The following RNF144B variants were observed in gnomAD, a reference collection of about 807,000 sequenced individuals.
The protein encoded by RNF144B is E3 ubiquitin-protein ligase RNF144B.
Under a neutral mutation model 40.2 loss-of-function variants are expected in RNF144B, and 25 were observed. The ratio of observed to expected loss-of-function variants is 0.62; its 90% CI spans 0.45 to 0.87. The LOEUF is 0.87. Ranked by LOEUF, RNF144B falls within the 40% of genes least tolerant of loss-of-function variation. The pLI, the probability that RNF144B is intolerant of heterozygous loss-of-function variation, is 0.00. For synonymous variants in RNF144B, 145 were observed against 136.3 expected (o/e 1.06, Z -0.44); for missense variants, 365 against 373.7 (o/e 0.98, Z 0.19).
intron 2 of RNF144B, among the ~76,000 whole-genome samples, chr6:18,407,829 A>G (rs1456070060): frequency 6.6e-6 from 1 of 152,188 alleles, no homozygotes; most frequent in Non-Finnish European, 1.5e-5. Context: ...AATGTAGGAA[A>G]TAGTGAGCTA....
intron 4 of RNF144B, 67 bp downstream of exon 4, chr6:18,439,811 A>G (rs768559841): frequency 1.2e-5 from 13 of 1,076,022 alleles, no homozygotes; most frequent in Admixed American, 1.7e-5. Context: ...ACACTAACCC[A>G]CATGGAAGAT....
At position 18,410,888 on chromosome 6, in the gene RNF144B, T is replaced by C. The variant is rs920721022; in HGVS notation, c.165+11189T>C. Among the ~76,000 whole-genome samples the C allele has an allele frequency of 1.3e-5, 2 of 152,194 alleles. No individual in the cohort carries two copies. Among genetic ancestry groups the C allele is most frequent in the Admixed American group, 6.5e-5 (1 of 15,280 alleles). On this transcript the variant is annotated intron_variant, in intron 2 of 7. Transcript: ENST00000259939. This position sits in a 1 kb window ranked among gnomAD's most constrained non-coding sequence, Gnocchi z 4.6. Reference sequence around the variant, plus strand: ...TACATGTGTATGGCAGACTGCAGTTTTGATGCCTGGAGTATTTAAATTATT... The same window carrying C: ...TACATGTGTATGGCAGACTGCAGTTCTGATGCCTGGAGTATTTAAATTATT...
At chr6:18,436,323 T>G (rs1484434366) in intron 3 of RNF144B, among the ~76,000 whole-genome samples, 1 of 152,146 alleles carries the variant, frequency 6.6e-6, no homozygotes, top group Non-Finnish European at 1.5e-5. Flanking sequence ...CACAGCTAGG[T>G]ACAAGTTGGT....
rs4716252 is a variant in RNF144B at position 18,434,101 on chromosome 6, A to T, written c.271-5583A>T. 0.13 allele frequency among the ~76,000 whole-genome samples: 19,395 copies of T among 152,142 alleles called. 1,385 individuals are homozygous for T. Among genetic ancestry groups the T allele is most frequent in the Admixed American group, 0.19 (2,964 of 15,276 alleles). On this transcript the variant is annotated intron_variant, in intron 3 of 7. Coordinates refer to ENST00000259939, the MANE Select transcript of RNF144B (RefSeq NM_182757.4). This position sits in a 1 kb window ranked among gnomAD's most constrained non-coding sequence, Gnocchi z 4.1. ...TTAAAGCAACTGTAGCAGAAGCATG[A>T]TTTGAAGGACCAAACCTAAGTAAAG...
rs61128858 is a variant in RNF144B at position 18,448,688 on chromosome 6, G to GCACACA, written c.332-8443_332-8438dup. Among the ~76,000 whole-genome samples the GCACACA allele has an allele frequency of 0.1, 15,094 of 144,498 alleles. 779 individuals carry two copies. The highest frequency in any genetic ancestry group is 0.13 in the African/African-American group (5,330 of 39,516). 94.8% of individuals were successfully genotyped at this position (144,498 alleles called of 152,430 possible). On this transcript the variant is annotated intron_variant, in intron 4 of 7. Transcript: ENST00000259939. This position sits in a 1 kb window ranked among gnomAD's most constrained non-coding sequence, Gnocchi z 4.0. The stretch of plus-strand genomic sequence containing the variant: ...TCCATTTTATTTTGAAAGCCAGCAT[G>GCACACA]CACACACACACACACACACACACAC...
chr6:18,446,624 T>G lies in RNF144B; in HGVS notation c.331+6880T>G, dbSNP rs938568229. ...CTTATATTTCTGTTATGTCACTCCA[T>G]TTAGTTACACAAATGCAACATTCTA... On this transcript the variant is annotated intron_variant, in intron 4 of 7. Transcript: ENST00000259939. This position sits in a 1 kb window ranked among gnomAD's most constrained non-coding sequence, Gnocchi z 4.7. 6.6e-6 allele frequency among the ~76,000 whole-genome samples: 1 copy of G among 152,172 alleles called. No individual in the cohort carries two copies. The highest frequency in any genetic ancestry group is 2.4e-5 in the African/African-American group (1 of 41,446).
rs1758991399 is a variant in RNF144B at position 18,442,719 on chromosome 6, A to AC, written c.331+2979dup. Among the ~76,000 whole-genome samples the AC allele has an allele frequency of 6.6e-6, 1 of 152,034 alleles. No individual in the cohort carries two copies. Among genetic ancestry groups the AC allele is most frequent in the East Asian group, 1.9e-4 (1 of 5,174 alleles). On this transcript the variant is annotated intron_variant, in intron 4 of 7. Transcript: ENST00000259939. This position sits in a 1 kb window ranked among gnomAD's most constrained non-coding sequence, Gnocchi z 4.3. ...TAAGTCCTTATTCCTCCTCCCTGAA[A>AC]CCCCTAGTAACCTCTAATCCACTTT...
At chr6:18,435,435 T>C (rs1407426639) in intron 3 of RNF144B, among the ~76,000 whole-genome samples, 1 of 152,180 alleles carries the variant, frequency 6.6e-6, no homozygotes, top group East Asian at 1.9e-4. Flanking sequence ...GACAGCTTTT[T>C]CTTACAGTGG....
intron 2 of RNF144B, among the ~76,000 whole-genome samples, chr6:18,401,791 G>A (rs990158656): frequency 2.0e-5 from 3 of 152,138 alleles, no homozygotes; most frequent in African/African-American, 7.2e-5. Flanking sequence ...AGAATTGGAT[G>A]ACATCTCCCA....
rs1795197397 is a variant in RNF144B at position 18,418,821 on chromosome 6, C to CTA, written c.166-8751_166-8750dup. Among the ~76,000 whole-genome samples, 1 of 151,216 alleles carries CTA rather than the reference C, an allele frequency of 6.6e-6. No homozygotes were observed. Among genetic ancestry groups the CTA allele is most frequent in the Non-Finnish European group, 1.5e-5 (1 of 67,858 alleles). ...TATTTACATATCATATATAATAATG[C>CTA]TATATATATAATATACACTGACACC... On this transcript the variant is annotated intron_variant, in intron 2 of 7. Coordinates refer to ENST00000259939, the MANE Select transcript of RNF144B (RefSeq NM_182757.4). The surrounding 1 kb of genome is among the most constrained non-coding windows in gnomAD (Gnocchi z 5.2).
intron 2 of RNF144B, among the ~76,000 whole-genome samples, chr6:18,423,208 G>A (rs1459558775): frequency 1.3e-5 from 2 of 152,152 alleles, no homozygotes; most frequent in African/African-American, 4.8e-5. Context: ...TTAGACAGGT[G>A]ATATTGTCCC....
chr6:18,437,260 G>A (rs992277001), intron 3 of RNF144B, among the ~76,000 whole-genome samples: 6 of 152,064 alleles, frequency 3.9e-5, no homozygotes, highest in African/African-American at 1.2e-4. Context: ...GCAACATAGC[G>A]AGACCCCATC....
intron 3 of RNF144B, among the ~76,000 whole-genome samples, chr6:18,432,049 G>T (rs1203592920): frequency 6.6e-6 from 1 of 152,162 alleles, no homozygotes; most frequent in Non-Finnish European, 1.5e-5. Context: ...AACACGTGCA[G>T]ACTTTCCTTG....
At chr6:18,463,201 T>G (rs2113542309) in intron 6 of RNF144B, 90 bp from the exon 7 acceptor site, 1 of 796,514 alleles carries the variant, frequency 1.3e-6, no homozygotes, top group Admixed American at 1.9e-5. Flanking sequence ...GAGAAAAACT[T>G]TGCCTTCCAT....
intron 3 of RNF144B, among the ~76,000 whole-genome samples, chr6:18,429,864 AGAG>A (rs375087411): frequency 1.2e-4 from 19 of 152,230 alleles, no homozygotes; most frequent in African/African-American, 4.6e-4. Context: ...GCTGGGCTGG[AGAG>A]GAGAATAAGA....
chr6:18,408,035 A>T lies in RNF144B; in HGVS notation c.165+8336A>T, dbSNP rs1483021314. 2.2e-5 allele frequency among the ~76,000 whole-genome samples: 3 copies of T among 138,826 alleles called. No homozygotes were observed. The Admixed American group carries it at 2.4e-4, about 11-fold the overall frequency. The allele number at this position is 138,826 out of a possible 152,430, so 91.1% of individuals were successfully genotyped here. ...AATCTCATTTTGTTGCCCAGGCTGG[A>T]GTACAGTGGTGCGATCTCAGCTCAC... is the stretch of plus-strand genomic sequence containing the variant. On this transcript the variant is annotated intron_variant, in intron 2 of 7. Coordinates refer to ENST00000259939, the MANE Select transcript of RNF144B (RefSeq NM_182757.4).
Position 18,450,969 on chromosome 6 carries a change from C to T in RNF144B, c.332-6186C>T, listed in dbSNP as rs1384927620. On this transcript the variant is annotated intron_variant, in intron 4 of 7. Coordinates refer to ENST00000259939, the MANE Select transcript of RNF144B (RefSeq NM_182757.4). The surrounding 1 kb of genome is among the most constrained non-coding windows in gnomAD (Gnocchi z 4.7). ...GATTAGGAGGGACTAGTTTTACCCC[C>T]CTGTTTTTAGAGTTGATTAAAGGGG... Among the ~76,000 whole-genome samples, 1 of 152,026 alleles carries T rather than the reference C, an allele frequency of 6.6e-6. No individual in the cohort carries two copies. The highest frequency in any genetic ancestry group is 1.5e-5 in the Non-Finnish European group (1 of 68,000).
At position 18,406,607 on chromosome 6, in the gene RNF144B, A is replaced by G. The variant is rs972761659; in HGVS notation, c.165+6908A>G. Among the ~76,000 whole-genome samples, 1 of 151,960 alleles carries G rather than the reference A, an allele frequency of 6.6e-6. No individual in the cohort carries two copies. The highest frequency in any genetic ancestry group is 1.5e-5 in the Non-Finnish European group (1 of 68,002). ...TTTCCAGTCCAAGTCTGAAGGCTTG[A>G]GAACTAAGAGAGCCAGTGGTATAAG... On this transcript the variant is annotated intron_variant, in intron 2 of 7. Coordinates refer to ENST00000259939, the MANE Select transcript of RNF144B (RefSeq NM_182757.4). The surrounding 1 kb of genome is among the most constrained non-coding windows in gnomAD (Gnocchi z 4.2).
intron 3 of RNF144B, among the ~76,000 whole-genome samples, chr6:18,435,773 C>CA (rs758450321): frequency 3.4e-5 from 5 of 148,764 alleles, no homozygotes; most frequent in Non-Finnish European, 5.9e-5. Context: ...ATCGCAAGGA[C>CA]AAAAAACCAA....
Sources: allele counts gnomAD v4.1 joint callset (sites outside exome capture counted in the v4.1 genomes callset), GRCh38; gene constraint gnomAD v4.1.1; non-coding constraint Gnocchi (gnomAD v3.1); transcripts MANE v1.5; gene names NCBI Gene and HGNC (gene_info 2026-07-23, HGNC 2026-07-21).